The following AEBP2 variants were observed in gnomAD, a reference collection of about 807,000 sequenced individuals.
The protein encoded by AEBP2 is AE binding protein 2.
AEBP2 carries 10 observed loss-of-function variants against 50.8 expected under a neutral mutation model. That is an observed-to-expected ratio of 0.20 (90% CI 0.12 to 0.33). AEBP2 has a LOEUF of 0.33. Ranked by LOEUF, AEBP2 falls within the 10% of genes least tolerant of loss-of-function variation. The pLI is 1.00. For synonymous variants in AEBP2, 296 were observed against 261.3 expected, an observed-to-expected ratio of 1.13 and a Z score of -1.28; for missense variants, 570 against 688.0, an observed-to-expected ratio of 0.83 and a Z score of 1.92.
intron 4 of AEBP2, among the ~76,000 whole-genome samples, chr12:19,496,664 C>CTTTTTTTTT (rs771598222): frequency 7.0e-6 from 1 of 142,926 alleles, no homozygotes; most frequent in Non-Finnish European, 1.5e-5. Flanking sequence ...TTTTTTTAAC[C>CTTTTTTTTT]TTTTTTTTTT....
At chr12:19,425,075 C>T (rs942355957) in intron 1 of AEBP2, among the ~76,000 whole-genome samples, 7 of 152,238 alleles carry the variant, frequency 4.6e-5, no homozygotes, top group African/African-American at 1.4e-4. Flanking sequence ...TTATTTTTCT[C>T]TGTCATGTAA....
Position 19,439,968 on chromosome 12 carries a change from C to T in AEBP2, c.269C>T (p.Ala90Val), listed in dbSNP as rs1205952267. 10 of 1,519,634 alleles carry T rather than the reference C, an allele frequency of 6.6e-6. No individual in the cohort carries two copies. In the Admixed American group the frequency reaches 2.0e-4, roughly 30 times the overall value. 94.1% of individuals were successfully genotyped at this position (1,519,634 alleles called of 1,614,324 possible). A position where few individuals can be genotyped will look rare whatever the true frequency, so the allele number is the denominator to read the frequency against. Reference sequence around the variant, plus strand: ...ATGTCGGAGCCGAGCCCCGAGAGCGCCAGCCAGGCCGGGGAGGACGAAGAC... The same window carrying T: ...ATGTCGGAGCCGAGCCCCGAGAGCGTCAGCCAGGCCGGGGAGGACGAAGAC... ...ETMSEPSPES[A>V]SQAGEDEDEE... Residue 90 changes from alanine to valine, a missense_variant, in exon 1 of 8, where the codon GCC becomes GTC. Physicochemically the swap from Ala to Val is moderately conservative, Grantham distance 64. Around this residue, in one of 2 missense-constraint regions of AEBP2, gnomAD observed 386 missense variants for 336.8 expected, o/e 1.15. Transcript: ENST00000266508.
chr12:19,493,041 T>C (rs1208519020), intron 3 of AEBP2, among the ~76,000 whole-genome samples: 1 of 152,098 alleles, frequency 6.6e-6, no homozygotes, highest in Non-Finnish European at 1.5e-5. Flanking sequence ...CTCTCACCTG[T>C]TTTAATAGTG....
chr12:19,518,534 G>C lies in AEBP2; in HGVS notation c.*417G>C. On this transcript the variant is annotated 3_prime_UTR_variant, in exon 8 of 8. Coordinates refer to ENST00000266508, the MANE Select transcript of AEBP2 (RefSeq NM_153207.5). ...TGCCCTTACAAATACCAAAAGCACT[G>C]TAAGGATATTTGTCTTGACAGTGTT... The C allele has an allele frequency of 2.3e-6, 3 of 1,286,442 alleles. No individual in the cohort carries two copies. The highest frequency in any genetic ancestry group is 3.0e-6 in the Non-Finnish European group (3 of 1,008,214). The allele number at this position is 1,286,442 out of a possible 1,614,324, so 79.7% of individuals were successfully genotyped here. A position where few individuals can be genotyped will look rare whatever the true frequency, so the allele number is the denominator to read the frequency against.
At chr12:19,490,732 T>C (rs148866759) in intron 3 of AEBP2, among the ~76,000 whole-genome samples, 147 of 152,212 alleles carry the variant, frequency 9.7e-4, no homozygotes, top group African/African-American at 3.4e-3. Flanking sequence ...TCCCAAAGTA[T>C]TGGGATTACA....
intron 3 of AEBP2, among the ~76,000 whole-genome samples, chr12:19,481,154 G>A (rs1948723947): frequency 7.8e-6 from 1 of 127,700 alleles, no homozygotes. Context: ...AGGCTGGAGT[G>A]TAGTGATGCT....
chr12:19,506,699 AGAAAGTCAG>A, intron 5 of AEBP2, among the ~76,000 whole-genome samples: 1 of 152,178 alleles, frequency 6.6e-6, no homozygotes, highest in Admixed American at 6.5e-5. Context: ...AACAAATTGT[AGAAAGTCAG>A]GGGTGAGAGT....
chr12:19,468,184 T>A (rs1223548883), intron 2 of AEBP2, among the ~76,000 whole-genome samples: 1 of 146,618 alleles, frequency 6.8e-6, no homozygotes, highest in Non-Finnish European at 1.5e-5. Context: ...ACAGTCTTAC[T>A]ATGTTGTCCA....
At position 19,518,157 on chromosome 12, in the gene AEBP2, C is replaced by T. The variant is rs1377759663; in HGVS notation, c.*40C>T. ...CATAAAAAGCAAACAAGCGGGGACA[C>T]CTGCAGTCTTAGTCACTGACAATGG... On this transcript the variant is annotated 3_prime_UTR_variant, in exon 8 of 8. Transcript: ENST00000266508. The T allele has an allele frequency of 1.9e-6, 3 of 1,566,370 alleles. No individual in the cohort carries two copies. The highest frequency in any genetic ancestry group is 2.6e-6 in the Non-Finnish European group (3 of 1,157,332).
At chr12:19,421,733 T>C (rs1185916294) in intron 1 of AEBP2, among the ~76,000 whole-genome samples, 5 of 152,260 alleles carry the variant, frequency 3.3e-5, no homozygotes, top group Non-Finnish European at 7.3e-5. Flanking sequence ...TGCATGTTGT[T>C]GTTCCTGTAG....
intron 7 of AEBP2, among the ~76,000 whole-genome samples, chr12:19,516,576 T>C (rs947738245): frequency 6.6e-6 from 1 of 152,232 alleles, no homozygotes; most frequent in Non-Finnish European, 1.5e-5. Context: ...AAATTTAAGC[T>C]TGAACTGATG....
chr12:19,448,743 C>T (rs1313819718), intron 1 of AEBP2, among the ~76,000 whole-genome samples: 6 of 152,006 alleles, frequency 3.9e-5, no homozygotes, highest in African/African-American at 1.2e-4. Flanking sequence ...GCAGTGGTAC[C>T]GTCACAGCTC....
chr12:19,407,952 G>C (rs1565692717), intron 1 of AEBP2, among the ~76,000 whole-genome samples: 2 of 151,864 alleles, frequency 1.3e-5, no homozygotes, highest in Non-Finnish European at 2.9e-5. Flanking sequence ...TCAGGAGTCT[G>C]AGGCAGAAGA....
intron 1 of AEBP2, among the ~76,000 whole-genome samples, chr12:19,461,302 A>G (rs1336682480): frequency 6.6e-6 from 1 of 152,200 alleles, no homozygotes; most frequent in Non-Finnish European, 1.5e-5. Flanking sequence ...AAGATTTTGA[A>G]AAAAGAAAAT....
Position 19,420,318 on chromosome 12 carries a change from T to C in AEBP2, c.-17+16102T>C, listed in dbSNP as rs2095744954. Among the ~76,000 whole-genome samples, 3 of 147,112 alleles carry C rather than the reference T, an allele frequency of 2.0e-5. No homozygotes were observed. The South Asian group carries it at 6.6e-4, about 32-fold the overall frequency. ...TGCTGGGATTACAGGCATGAGCCAC[T>C]GTGCTGACCATTTTTTTTTTTTTTT... is the stretch of plus-strand genomic sequence containing the variant. On this transcript the variant is annotated intron_variant, in intron 1 of 3. Coordinates refer to the AEBP2 transcript ENST00000538425.
At chr12:19,406,671 A>ATG (rs60858673) in intron 1 of AEBP2, among the ~76,000 whole-genome samples, 4 of 150,878 alleles carry the variant, frequency 2.7e-5, no homozygotes, top group Admixed American at 1.3e-4. Flanking sequence ...GCAAGAGCGA[A>ATG]ACTCTGTCTC....
At chr12:19,511,967 C>A (rs1055622363) in intron 5 of AEBP2, among the ~76,000 whole-genome samples, 1 of 151,960 alleles carries the variant, frequency 6.6e-6, no homozygotes, top group African/African-American at 2.4e-5. Context: ...GGAAGAACTA[C>A]AAAGCAGGCA....
In AEBP2 at chr12:19,439,572, G is replaced by C. The variant is rs960458032; in HGVS notation, c.-128G>C. On this transcript the variant is annotated 5_prime_UTR_variant, in exon 1 of 8. Coordinates refer to ENST00000266508, the MANE Select transcript of AEBP2 (RefSeq NM_153207.5). The stretch of plus-strand genomic sequence containing the variant: ...GCGTGTGCAGGCTGACGCAGCTCGC[G>C]GGCCCTCCTCCTGCTCTGCAGCGGC... 3.2e-6 allele frequency: 4 copies of C among 1,247,052 alleles called. No individual in the cohort carries two copies. In the Admixed American group the frequency reaches 8.6e-5, roughly 27 times the overall value. The allele number at this position is 1,247,052 out of a possible 1,614,324, so 77.2% of individuals were successfully genotyped here. A position where few individuals can be genotyped will look rare whatever the true frequency, so the allele number is the denominator to read the frequency against.
intron 1 of AEBP2, among the ~76,000 whole-genome samples, chr12:19,433,835 ATTT>A (rs968103037): frequency 1.3e-5 from 2 of 151,832 alleles, no homozygotes; most frequent in Non-Finnish European, 2.9e-5. Flanking sequence ...TAGTTTTTAA[ATTT>A]TTATTTATTT....
Sources: gnomAD v4.1 joint callset for allele counts (sites outside exome capture counted in the v4.1 genomes callset) on GRCh38, gnomAD v4.1.1 for gene constraint, gnomAD v4.1.1 regional missense constraint, MANE v1.5 for transcripts, NCBI Gene and HGNC (gene_info 2026-07-23, HGNC 2026-07-21) for gene names.